The following TBC1D2B variants were observed in gnomAD, a reference collection of about 807,000 sequenced individuals.
The protein encoded by TBC1D2B is TBC1 domain family, member 2B.
A neutral mutation model predicts 100.8 loss-of-function variants in TBC1D2B; 64 were observed. The observed-to-expected ratio is 0.64, with a 90% CI of 0.52 to 0.78. The LOEUF (loss-of-function observed/expected upper bound fraction) is 0.78, where lower values mean the gene tolerates loss of function less well. Ranked by LOEUF, TBC1D2B falls within the 30% of genes least tolerant of loss-of-function variation. TBC1D2B has a pLI of 0.00. For synonymous variants in TBC1D2B, 480 were observed against 479.7 expected, an observed-to-expected ratio of 1.00 and a Z score of -0.01; for missense variants, 1,052 against 1,218.4, an observed-to-expected ratio of 0.86 and a Z score of 2.03.
chr15:78,002,787 G>A (rs894193251), intron 11 of TBC1D2B: 2 of 153,698 alleles, frequency 1.3e-5, no homozygotes, highest in Non-Finnish European at 2.9e-5. Context: ...GACTAGGGAG[G>A]GGCCTCCACT....
chr15:78,075,593 C>G (rs527780354), intron 1 of TBC1D2B, among the ~76,000 whole-genome samples: 19 of 152,336 alleles, frequency 1.2e-4, no homozygotes, highest in African/African-American at 4.3e-4. Context: ...TCGTCCGACA[C>G]AGGGACAGCC....
chr15:78,063,001 T>C (rs544208610), intron 1 of TBC1D2B, among the ~76,000 whole-genome samples: 2 of 152,142 alleles, frequency 1.3e-5, no homozygotes, highest in Admixed American at 6.5e-5. Flanking sequence ...GAAATAATAA[T>C]AATAGGAACC....
intron 2 of TBC1D2B, among the ~76,000 whole-genome samples, chr15:78,052,237 T>C (rs2073328939): frequency 6.6e-6 from 1 of 152,130 alleles, no homozygotes; most frequent in African/African-American, 2.4e-5. Flanking sequence ...CTGGCCATCC[T>C]CCAGGCCTTG....
At chr15:78,057,010 G>T (rs1226029835) in intron 1 of TBC1D2B, among the ~76,000 whole-genome samples, 1 of 152,046 alleles carries the variant, frequency 6.6e-6, no homozygotes, top group Non-Finnish European at 1.5e-5. Flanking sequence ...TTATGCTCGG[G>T]AGCCACAGGC....
intron 3 of TBC1D2B, among the ~76,000 whole-genome samples, chr15:78,035,299 G>A (rs1380344659): frequency 6.6e-6 from 1 of 152,218 alleles, no homozygotes; most frequent in Non-Finnish European, 1.5e-5. Flanking sequence ...AACTAAAACA[G>A]TAATAACTCG....
chr15:78,014,956 C>T lies in TBC1D2B; in HGVS notation c.1775+1590G>A, dbSNP rs1334606294. ...GTGGCTGACACCGGTAATCCCAGCA[C>T]TTTGGGAGGCCGAGGCAGGCAGATC... is the stretch of plus-strand genomic sequence containing the variant. On this transcript the variant is annotated intron_variant, in intron 8 of 12. Transcript: ENST00000300584. 2.6e-5 allele frequency among the ~76,000 whole-genome samples: 4 copies of T among 152,296 alleles called. No individual in the cohort carries two copies. In the East Asian group the frequency reaches 7.7e-4, roughly 29 times the overall value.
At chr15:78,029,120 G>A (rs1008503682) in intron 4 of TBC1D2B, among the ~76,000 whole-genome samples, 6 of 151,148 alleles carry the variant, frequency 4.0e-5, no homozygotes, top group Admixed American at 1.3e-4. Context: ...GCAGTGGCGC[G>A]ATCTCCACTC....
At chr15:78,071,432 C>A (rs976053496) in intron 1 of TBC1D2B, among the ~76,000 whole-genome samples, 1 of 152,150 alleles carries the variant, frequency 6.6e-6, no homozygotes, top group African/African-American at 2.4e-5. Context: ...TGGCAGAGTG[C>A]GCAAAACCTA....
At chr15:78,073,790 T>G (rs1244661407) in intron 1 of TBC1D2B, among the ~76,000 whole-genome samples, 1 of 151,734 alleles carries the variant, frequency 6.6e-6, no homozygotes, top group Non-Finnish European at 1.5e-5. Context: ...GCCAATATGG[T>G]GAAACCCCGT....
rs1256247211 is a variant in TBC1D2B, at chr15:78,077,681, G to C, written c.-29C>G. ...TACCGCGCGCCAACCGTAGGCGCCC[G>C]CGCCCTGCGCCTCCGCGCCGCGGCC... On this transcript the variant is annotated 5_prime_UTR_variant, in exon 1 of 13. Transcript: ENST00000300584. 15 of 979,946 alleles carry C rather than the reference G, an allele frequency of 1.5e-5. No homozygotes were observed. Among genetic ancestry groups the C allele is most frequent in the African/African-American group, 1.4e-4 (8 of 55,638 alleles). The allele number at this position is 979,946 out of a possible 1,614,324, so 60.7% of individuals were successfully genotyped here.
intron 1 of TBC1D2B, among the ~76,000 whole-genome samples, chr15:78,071,456 C>G (rs187354887): frequency 6.6e-6 from 1 of 152,278 alleles, no homozygotes; most frequent in Admixed American, 6.5e-5. Context: ...TAGTATGTGG[C>G]CCTTTACATA....
chr15:78,038,130 G>A (rs909331975), intron 3 of TBC1D2B, among the ~76,000 whole-genome samples: 1 of 152,220 alleles, frequency 6.6e-6, no homozygotes, highest in Non-Finnish European at 1.5e-5. Context: ...AGGGTCTGGA[G>A]CCTTCCCTCA....
chr15:78,006,555 ATCC>A (rs1232821928), intron 10 of TBC1D2B, among the ~76,000 whole-genome samples: 1 of 152,212 alleles, frequency 6.6e-6, no homozygotes, highest in East Asian at 1.9e-4. Flanking sequence ...CTCTCTTGCC[ATCC>A]TCCTGTGATG....
chr15:78,065,134 G>A (rs1342884683), intron 1 of TBC1D2B, among the ~76,000 whole-genome samples: 1 of 152,170 alleles, frequency 6.6e-6, no homozygotes, highest in African/African-American at 2.4e-5. Context: ...GTGGTCTGAG[G>A]AGTTCTGCCA....
chr15:78,025,569 C>A, intron 4 of TBC1D2B, 72 bp from the exon 5 acceptor site: 1 of 1,205,644 alleles, frequency 8.3e-7, no homozygotes, highest in Non-Finnish European at 1.1e-6. Flanking sequence ...GTCTGTCGCC[C>A]AGGCTGGAGT....
At chr15:78,033,623 A>G (rs941508930) in intron 3 of TBC1D2B, among the ~76,000 whole-genome samples, 1 of 152,220 alleles carries the variant, frequency 6.6e-6, no homozygotes, top group African/African-American at 2.4e-5. Flanking sequence ...TCATCAGCCT[A>G]TTCACCTAAA....
At chr15:78,018,206 AG>A (rs1259154235) in intron 6 of TBC1D2B, among the ~76,000 whole-genome samples, 2 of 152,244 alleles carry the variant, frequency 1.3e-5, no homozygotes, top group Admixed American at 6.5e-5. Context: ...TAATTGTGGT[AG>A]TTTTTCTCAA....
At chr15:78,012,140 G>T (rs560696871) in intron 9 of TBC1D2B, among the ~76,000 whole-genome samples, 1 of 152,326 alleles carries the variant, frequency 6.6e-6, no homozygotes, top group African/African-American at 2.4e-5. Context: ...ATGGACAACT[G>T]CAAGGACAGC....
intron 9 of TBC1D2B, among the ~76,000 whole-genome samples, 159 bp from the exon 10 acceptor site, chr15:78,009,273 G>C (rs1411913241): frequency 1.3e-5 from 2 of 152,084 alleles, no homozygotes; most frequent in Admixed American, 1.3e-4. Context: ...AATGGCTCAC[G>C]CCTATTATAC....
Sources: allele counts gnomAD v4.1 joint callset (sites outside exome capture counted in the v4.1 genomes callset), GRCh38; gene constraint gnomAD v4.1.1; transcripts MANE v1.5; gene names NCBI Gene and HGNC (gene_info 2026-07-23, HGNC 2026-07-21).